Variants in SEL1L2 observed in about 807,000 individuals in gnomAD.
SEL1L2 encodes protein sel-1 homolog 2.
In SEL1L2, 89 loss-of-function variants were observed where a neutral mutation model predicts 98.8. The observed-to-expected ratio is 0.90, with a 90% CI of 0.76 to 1.07. SEL1L2 has a LOEUF of 1.07. Among genes scored for constraint, SEL1L2 ranks in the 50% least tolerant of loss-of-function variants. SEL1L2 has a pLI of 0.00. For synonymous variants in SEL1L2, 262 were observed against 278.5 expected (o/e 0.94, Z 0.59); for missense variants, 788 against 812.0 (o/e 0.97, Z 0.36).
intron 5 of SEL1L2, among the ~76,000 whole-genome samples, chr20:13,898,010 T>C (rs957505047): frequency 6.6e-6 from 1 of 151,618 alleles, no homozygotes; most frequent in African/African-American, 2.4e-5. Context: ...TGGGGAGAAA[T>C]AGGAACCTGT....
At chr20:13,894,226 A>G (rs1280493452) in intron 5 of SEL1L2, among the ~76,000 whole-genome samples, 1 of 152,190 alleles carries the variant, frequency 6.6e-6, no homozygotes, top group East Asian at 1.9e-4. Context: ...GCCAATACCA[A>G]GAAGTCAACA....
chr20:13,975,370 T>C (rs2051487006), intron 1 of SEL1L2, among the ~76,000 whole-genome samples: 2 of 152,164 alleles, frequency 1.3e-5, no homozygotes, highest in Admixed American at 1.3e-4. Context: ...GGCTGTTTAA[T>C]AGTATGCACA....
At chr20:13,983,812 T>C (rs2258237) in intron 1 of SEL1L2, among the ~76,000 whole-genome samples, 37,654 of 151,560 alleles carry the variant, frequency 0.25, 5,227 homozygotes, top group African/African-American at 0.38. Flanking sequence ...TGAACCACTG[T>C]GGCCCGCCAG....
At chr20:13,881,164 C>T (rs1229442696) in intron 10 of SEL1L2, among the ~76,000 whole-genome samples, 1 of 152,148 alleles carries the variant, frequency 6.6e-6, no homozygotes, top group African/African-American at 2.4e-5. Flanking sequence ...CAGGCGTGCA[C>T]CACCATGCCC....
At chr20:13,888,022 C>CA (rs763979617) in intron 6 of SEL1L2, 21 bp from the exon 7 acceptor site, 5 of 1,604,952 alleles carry the variant, frequency 3.1e-6, no homozygotes, top group Non-Finnish European at 4.3e-6. Flanking sequence ...AACAAACAAA[C>CA]AAAAAACCCC....
intron 4 of SEL1L2, among the ~76,000 whole-genome samples, 196 bp from the exon 5 acceptor site, chr20:13,914,140 C>G (rs529613508): frequency 6.6e-6 from 1 of 152,176 alleles, no homozygotes; most frequent in Non-Finnish European, 1.5e-5. Context: ...TCAAATATAT[C>G]TCACAAATAA....
Position 13,877,201 on chromosome 20 carries a change from C to A in SEL1L2, c.1026+319G>T, listed in dbSNP as rs192436532. Reference sequence around the variant, plus strand: ...TATGGGGCTTCTTCCCAAACTGTCACCTCAAGAATATCACCCTCGGGTTGC... The same window carrying A: ...TATGGGGCTTCTTCCCAAACTGTCAACTCAAGAATATCACCCTCGGGTTGC... On this transcript the variant is annotated intron_variant, in intron 11 of 19. Transcript: ENST00000284951. Among the ~76,000 whole-genome samples, 173 of 152,304 alleles carry A rather than the reference C, an allele frequency of 1.1e-3. 1 individual carries two copies. The highest frequency in any genetic ancestry group is 3.5e-3 in the African/African-American group (146 of 41,564).
At position 13,909,205 on chromosome 20, in the gene SEL1L2, G is replaced by A. The variant is rs940378589; in HGVS notation, c.549+4577C>T. Among the ~76,000 whole-genome samples, 11 of 152,210 alleles carry A rather than the reference G, an allele frequency of 7.2e-5. No individual in the cohort carries two copies. In the East Asian group the frequency reaches 9.7e-4, roughly 13 times the overall value. On this transcript the variant is annotated intron_variant, in intron 5 of 19. Coordinates refer to ENST00000284951, the MANE Select transcript of SEL1L2 (RefSeq NM_025229.2). ...CAGTTCCCAATACTTCCAGCAGTGC[G>A]GGCAGGATTTCTGTACCAAGCTGGC...
upstream of SEL1L2, among the ~76,000 whole-genome samples, chr20:13,992,666 G>A (rs922648247): frequency 2.6e-5 from 4 of 152,150 alleles, no homozygotes; most frequent in African/African-American, 9.7e-5. Context: ...GTTATAAAAA[G>A]ACTGTATTAG....
chr20:13,901,025 T>C (rs2047646308), intron 5 of SEL1L2, among the ~76,000 whole-genome samples: 2 of 152,108 alleles, frequency 1.3e-5, no homozygotes, highest in African/African-American at 4.8e-5. Flanking sequence ...ACCTTTATTT[T>C]GCTAGAGTTA....
intron 3 of SEL1L2, among the ~76,000 whole-genome samples, chr20:13,927,659 CGGTA>C (rs2048961335): frequency 6.6e-6 from 1 of 152,016 alleles, no homozygotes; most frequent in Non-Finnish European, 1.5e-5. Flanking sequence ...TGTGAAGGAC[CGGTA>C]GGTCTGTGGA....
chr20:13,921,766 G>T (rs1248223741), intron 3 of SEL1L2, among the ~76,000 whole-genome samples: 2 of 151,966 alleles, frequency 1.3e-5, no homozygotes. Context: ...ATATTAACTT[G>T]TGTTCTCTGT....
chr20:13,971,412 T>A (rs187174232), intron 1 of SEL1L2, among the ~76,000 whole-genome samples: 43 of 152,260 alleles, frequency 2.8e-4, no homozygotes, highest in Non-Finnish European at 5.3e-4. Flanking sequence ...GTTTTTACAA[T>A]GTACTTTTGT....
intron 5 of SEL1L2, chr20:13,913,453 C>T (rs758954318): frequency 1.4e-4 from 24 of 173,642 alleles, no homozygotes; most frequent in Admixed American, 3.8e-4. Flanking sequence ...TAAAATGGAA[C>T]GCATTTATTA....
intron 1 of SEL1L2, among the ~76,000 whole-genome samples, chr20:13,983,046 A>AAAAAAAAAAAAAAAAAAAC (rs2051933722): frequency 1.4e-5 from 2 of 145,524 alleles, no homozygotes; most frequent in Non-Finnish European, 3.0e-5. Flanking sequence ...AAAAAAAAAA[A>AAAAAAAAAAAAAAAAAAAC]AAGCAGCAGC....
chr20:13,973,783 T>C (rs1456414494), intron 1 of SEL1L2, among the ~76,000 whole-genome samples: 1 of 152,228 alleles, frequency 6.6e-6, no homozygotes, highest in African/African-American at 2.4e-5. Context: ...TCCTGATGTT[T>C]AACCTAGGTG....
At chr20:13,858,428 G>A (rs568054226) in intron 18 of SEL1L2, among the ~76,000 whole-genome samples, 52 of 152,024 alleles carry the variant, frequency 3.4e-4, no homozygotes, top group Non-Finnish European at 6.5e-4. Context: ...CACCATTGAC[G>A]AGCTCCGCAA....
chr20:13,995,232 G>C (rs867461259), upstream of SEL1L2: 16 of 180,192 alleles, frequency 8.9e-5, no homozygotes, highest in Middle Eastern at 0.012. The surrounding 1 kb of genome is among the most constrained non-coding windows in gnomAD (Gnocchi z 4.3). Context: ...TCTCCCACTA[G>C]GCGTCGGCTT....
At chr20:13,962,793 C>T (rs915157839) in intron 1 of SEL1L2, among the ~76,000 whole-genome samples, 1 of 152,172 alleles carries the variant, frequency 6.6e-6, no homozygotes, top group African/African-American at 2.4e-5. Context: ...CGACCAGGCA[C>T]AATGGCTCAT....
Sources: allele counts gnomAD v4.1 joint callset (sites outside exome capture counted in the v4.1 genomes callset), GRCh38; gene constraint gnomAD v4.1.1; non-coding constraint Gnocchi (gnomAD v3.1); transcripts MANE v1.5; gene names NCBI Gene and HGNC (gene_info 2026-07-23, HGNC 2026-07-21).